The following VPS41 variants were observed in gnomAD, a reference collection of about 807,000 sequenced individuals.
VPS41 encodes the protein vacuolar protein sorting-associated protein 41 homolog.
Under a neutral mutation model 130.9 loss-of-function variants are expected in VPS41, and 85 were observed. The ratio of observed to expected loss-of-function variants is 0.65; its 90% CI spans 0.55 to 0.78. The LOEUF is 0.78. Among genes scored for constraint, VPS41 ranks in the 30% least tolerant of loss-of-function variants. VPS41 has a pLI of 0.00. For missense variants in VPS41, 874 were observed against 1,018.7 expected (o/e 0.86, Z 1.93); for synonymous variants, 335 against 332.9 (o/e 1.01, Z -0.07).
chr7:38,829,056 A>G (rs1392891697), intron 5 of VPS41, among the ~76,000 whole-genome samples: 2 of 152,190 alleles, frequency 1.3e-5, no homozygotes, highest in Non-Finnish European at 2.9e-5. Flanking sequence ...TTTCTTTACA[A>G]ATACATGAAC....
At chr7:38,803,842 C>T (rs955974550) in intron 7 of VPS41, among the ~76,000 whole-genome samples, 1 of 152,300 alleles carries the variant, frequency 6.6e-6, no homozygotes, top group Non-Finnish European at 1.5e-5. Flanking sequence ...TGTTTTGCTT[C>T]GTGCTTAGGC....
At chr7:38,840,558 A>G (rs1421683846) in intron 4 of VPS41, among the ~76,000 whole-genome samples, 1 of 152,250 alleles carries the variant, frequency 6.6e-6, no homozygotes, top group African/African-American at 2.4e-5. Flanking sequence ...CTGACTTCAC[A>G]GCAATATTAA....
chr7:38,810,456 T>C (rs1367958538), intron 7 of VPS41, among the ~76,000 whole-genome samples: 1 of 152,242 alleles, frequency 6.6e-6, no homozygotes, highest in African/African-American at 2.4e-5. Context: ...TCAAAAATTG[T>C]AATAAGATTA....
chr7:38,771,952 T>C (rs987841969), intron 13 of VPS41, among the ~76,000 whole-genome samples: 7 of 152,154 alleles, frequency 4.6e-5, no homozygotes, highest in South Asian at 2.1e-4. Flanking sequence ...AACAAATACG[T>C]AGACTATTTG....
intron 12 of VPS41, among the ~76,000 whole-genome samples, chr7:38,773,604 T>C (rs942930200): frequency 1.3e-5 from 2 of 152,162 alleles, no homozygotes; most frequent in African/African-American, 4.8e-5. Flanking sequence ...ATATTAATGG[T>C]TCTCCCTGTA....
rs563399250 is a variant in VPS41, at chr7:38,746,004, A to C, written c.1927-391T>G. The C allele has an allele frequency of 5.6e-5, 10 of 177,140 alleles. 1 individual carries two copies. In the East Asian group the frequency reaches 1.8e-3, roughly 32 times the overall value. 11.0% of individuals were successfully genotyped at this position (177,140 alleles called of 1,614,324 possible). ...CTCTGTTTCCCTCCATTAAGATGTA[A>C]GGAATGTTGCTCATGGTTGAACTTT... On this transcript the variant is annotated intron_variant, in intron 22 of 28. Coordinates refer to ENST00000310301, the MANE Select transcript of VPS41 (RefSeq NM_014396.4).
intron 17 of VPS41, among the ~76,000 whole-genome samples, chr7:38,759,675 T>C (rs918584454): frequency 2.4e-4 from 37 of 152,310 alleles, no homozygotes; most frequent in African/African-American, 8.2e-4. Context: ...ATAAAGTGCA[T>C]GGACAAGAGT....
intron 3 of VPS41, among the ~76,000 whole-genome samples, chr7:38,864,004 A>C (rs1452288781): frequency 2.0e-5 from 3 of 152,236 alleles, no homozygotes; most frequent in Non-Finnish European, 4.4e-5. Context: ...CTACAGTGAC[A>C]CTGACAATAT....
At chr7:38,781,580 T>C (rs976364506) in intron 10 of VPS41, among the ~76,000 whole-genome samples, 6 of 152,242 alleles carry the variant, frequency 3.9e-5, no homozygotes, top group African/African-American at 1.2e-4. Context: ...AGGGACTCTT[T>C]ATTGGTAGAC....
At chr7:38,781,192 C>T (rs1290032861) in intron 10 of VPS41, among the ~76,000 whole-genome samples, 1 of 152,026 alleles carries the variant, frequency 6.6e-6, no homozygotes, top group Non-Finnish European at 1.5e-5. Flanking sequence ...CATAACATAC[C>T]TAAAATATTA....
intron 2 of VPS41, among the ~76,000 whole-genome samples, chr7:38,875,064 A>C (rs1198041124): frequency 1.3e-5 from 2 of 152,186 alleles, no homozygotes; most frequent in Non-Finnish European, 2.9e-5. Flanking sequence ...AATACAAATA[A>C]ATTTTTAAGA....
At chr7:38,731,913 C>G in intron 25 of VPS41, among the ~76,000 whole-genome samples, 1 of 152,190 alleles carries the variant, frequency 6.6e-6, no homozygotes, top group East Asian at 1.9e-4. Flanking sequence ...CTGACACTTT[C>G]TTGCCCTCTA....
intron 5 of VPS41, among the ~76,000 whole-genome samples, chr7:38,822,726 T>A (rs974331667): frequency 2.0e-5 from 3 of 152,252 alleles, no homozygotes; most frequent in African/African-American, 7.2e-5. Flanking sequence ...GTTATGTGCA[T>A]GTTCACATTT....
At chr7:38,876,045 A>G (rs2392603) in intron 2 of VPS41, among the ~76,000 whole-genome samples, 43,534 of 152,060 alleles carry the variant, frequency 0.29, 7,337 homozygotes, top group Non-Finnish European at 0.39. Flanking sequence ...TTTGTCCCCC[A>G]GGGACATTTA....
chr7:38,756,754 A>G, intron 19 of VPS41, 84 bp downstream of exon 19: 2 of 1,049,798 alleles, frequency 1.9e-6, no homozygotes, highest in South Asian at 1.7e-5. Flanking sequence ...TCATTCACCA[A>G]TCCAGCATTT....
Position 38,756,928 on chromosome 7 carries a change from T to C in VPS41, c.1605A>G (p.Arg535=), listed in dbSNP as rs1272421818. 4 of 1,599,938 alleles carry C rather than the reference T, an allele frequency of 2.5e-6. No individual in the cohort carries two copies. Among genetic ancestry groups the C allele is most frequent in the Non-Finnish European group, 3.4e-6 (4 of 1,167,968 alleles). ...GGATCAACTGAAAAACGTCTTTATGTCTTAATGTTAAGTATATTTCCAGAG... is the reference window on the plus strand; with the variant it reads ...GGATCAACTGAAAAACGTCTTTATGCCTTAATGTTAAGTATATTTCCAGAG... ...GNALEIYLTL[R]HKDVFQLIHK... Residue 535 remains arginine, a synonymous_variant, in exon 19 of 29, where the codon AGA becomes AGG. Transcript: ENST00000310301.
chr7:38,909,089 C>T, intron 1 of VPS41, 65 bp downstream of exon 1: 1 of 1,602,028 alleles, frequency 6.2e-7, no homozygotes, highest in Non-Finnish European at 8.6e-7. Flanking sequence ...CCACTCCACC[C>T]TCCCCAAACA....
intron 10 of VPS41, among the ~76,000 whole-genome samples, chr7:38,777,187 G>A (rs1784275339): frequency 6.6e-6 from 1 of 152,060 alleles, no homozygotes; most frequent in African/African-American, 2.4e-5. Context: ...GGGCATTATA[G>A]TAGTACAAAG....
chr7:38,736,442 CA>C (rs1352749448), intron 25 of VPS41, among the ~76,000 whole-genome samples: 2 of 152,248 alleles, frequency 1.3e-5, no homozygotes, highest in Non-Finnish European at 2.9e-5. Context: ...AGTGCCTTAC[CA>C]AAGTCTCAAT....
Sources: allele counts gnomAD v4.1 joint callset (sites outside exome capture counted in the v4.1 genomes callset), GRCh38; gene constraint gnomAD v4.1.1; transcripts MANE v1.5; gene names NCBI Gene and HGNC (gene_info 2026-07-23, HGNC 2026-07-21).